The following IGF2R variants were observed in gnomAD, a reference collection of about 807,000 sequenced individuals.
IGF2R encodes insulin like growth factor 2 receptor, also known as cation-independent mannose-6-phosphate receptor.
A neutral mutation model predicts 270.6 loss-of-function variants in IGF2R; 91 were observed. The observed-to-expected ratio is 0.34, with a 90% CI of 0.28 to 0.40. The LOEUF is 0.40. Among genes scored for constraint, IGF2R ranks in the 10% least tolerant of loss-of-function variants. The probability of loss-of-function intolerance (pLI) is 1.00; values close to 1 mark genes in which losing one functional copy is unlikely to be tolerated. For missense variants in IGF2R, 2,805 were observed against 3,188.3 expected (o/e 0.88, Z 2.90); for synonymous variants, 1,316 against 1,258.9 (o/e 1.05, Z -0.96).
rs540733804 is a variant in IGF2R, at chr6:160,102,130, G to T, written c.6843-389G>T. On this transcript the variant is annotated intron_variant, in intron 45 of 47. Coordinates refer to ENST00000356956, the MANE Select transcript of IGF2R (RefSeq NM_000876.4). The surrounding 1 kb of genome is among the most constrained non-coding windows in gnomAD (Gnocchi z 4.5). ...CTGCTTCCAGAAGAAATTCTGAGAG[G>T]AAAGAGCTCTGACCCTGGAGAGAAG... is the stretch of plus-strand genomic sequence containing the variant. 2.6e-4 allele frequency among the ~76,000 whole-genome samples: 39 copies of T among 152,332 alleles called. No individual in the cohort carries two copies. Among genetic ancestry groups the T allele is most frequent in the African/African-American group, 8.4e-4 (35 of 41,572 alleles).
Position 160,061,546 on chromosome 6 carries a change from C to A in IGF2R, c.3306C>A (p.Val1102=). Residue 1102 remains valine (V), a synonymous_variant, in exon 24 of 48, where the codon GTC becomes GTA. Transcript: ENST00000356956. ...ACGACCTGACTGGCCTAAGCACAGT[C>A]AGGAAACCTTGGACGGCTGTTGACA... ...NEYDLTGLST[V]RKPWTAVDTS... 6.2e-7 allele frequency: 1 copy of A among 1,614,128 alleles called. No individual in the cohort carries two copies. Among genetic ancestry groups the A allele is most frequent in the South Asian group, 1.1e-5 (1 of 91,076 alleles).
chr6:159,975,805 T>G (rs1261291974), intron 1 of IGF2R, among the ~76,000 whole-genome samples: 2 of 147,898 alleles, frequency 1.4e-5, no homozygotes, highest in Admixed American at 6.8e-5. Flanking sequence ...TATAGTTATA[T>G]ATAATATATA....
chr6:159,978,582 G>A (rs1022528678), intron 1 of IGF2R, among the ~76,000 whole-genome samples: 3 of 152,098 alleles, frequency 2.0e-5, no homozygotes, highest in African/African-American at 7.2e-5. Flanking sequence ...TGTTGTAGGT[G>A]GGAACAGAAG....
intron 2 of IGF2R, chr6:160,005,440 C>T (rs1327025305): frequency 1.3e-5 from 2 of 152,086 alleles, no homozygotes; most frequent in Non-Finnish European, 2.9e-5. Flanking sequence ...CGCCCTTGGC[C>T]ACTGGGCTGC....
rs1784080926 is a variant in IGF2R, at chr6:159,998,199, G to A, written c.289+6876G>A. ...TGTAGGTGTTCAGAAAGAAGGAAAAGTAGCTTTCTTCTTGATTTTATTATA... is the reference window on the plus strand; with the variant it reads ...TGTAGGTGTTCAGAAAGAAGGAAAAATAGCTTTCTTCTTGATTTTATTATA... On this transcript the variant is annotated intron_variant, in intron 2 of 47. Transcript: ENST00000356956. This position sits in a 1 kb window ranked among gnomAD's most constrained non-coding sequence, Gnocchi z 4.1. 6.6e-6 allele frequency among the ~76,000 whole-genome samples: 1 copy of A among 152,232 alleles called. No individual in the cohort carries two copies. The highest frequency in any genetic ancestry group is 2.1e-4 in the South Asian group (1 of 4,828).
chr6:160,072,511 CTGCTGTGGTATGGCCCAGCAGAGGG>C (rs1419926348), intron 32 of IGF2R, among the ~76,000 whole-genome samples: 1 of 152,248 alleles, frequency 6.6e-6, no homozygotes, highest in Non-Finnish European at 1.5e-5. Context: ...CTCTTAGTGG[CTGCTGTGGTATGGCCCAGCAGAGGG>C]TGCTGTGAGC....
intron 10 of IGF2R, among the ~76,000 whole-genome samples, chr6:160,035,162 A>AC (rs1221995441): frequency 6.6e-5 from 10 of 151,752 alleles, no homozygotes; most frequent in African/African-American, 1.9e-4. Flanking sequence ...CCATCTGTTG[A>AC]CCCCCAGGCT....
intron 41 of IGF2R, among the ~76,000 whole-genome samples, chr6:160,087,720 A>G (rs1423877095): frequency 2.0e-5 from 3 of 152,104 alleles, no homozygotes; most frequent in Non-Finnish European, 2.9e-5. Flanking sequence ...CCCAGGCTGG[A>G]GTGCAATGGC....
At position 160,102,913 on chromosome 6, in the gene IGF2R, G is replaced by A. The variant is rs927487807; in HGVS notation, c.6995+242G>A. Among the ~76,000 whole-genome samples the A allele has an allele frequency of 3.3e-5, 5 of 152,162 alleles. No homozygotes were observed. Among genetic ancestry groups the A allele is most frequent in the South Asian group, 2.1e-4 (1 of 4,830 alleles). On this transcript the variant is annotated intron_variant, in intron 46 of 47. Coordinates refer to ENST00000356956, the MANE Select transcript of IGF2R (RefSeq NM_000876.4). The surrounding 1 kb of genome is among the most constrained non-coding windows in gnomAD (Gnocchi z 4.5). ...ACCCGTGCCTGCGGCTTCTAGGACC[G>A]TGGTCCTTTGTGTCCAAAGATGAGT...
At chr6:160,058,850 G>A (rs2274849) in intron 21 of IGF2R, 56 bp from the exon 22 acceptor site, 343,677 of 1,471,852 alleles carry the variant, frequency 0.23, 41,438 homozygotes, top group African/African-American at 0.32. Flanking sequence ...GTTCTTGTCT[G>A]TGGTGAGATA....
At chr6:160,056,095 T>TA (rs1172363508) in intron 19 of IGF2R, among the ~76,000 whole-genome samples, 1 of 152,212 alleles carries the variant, frequency 6.6e-6, no homozygotes, top group Non-Finnish European at 1.5e-5. Flanking sequence ...TGCCTTTGTG[T>TA]ATGGCTTCTT....
intron 19 of IGF2R, among the ~76,000 whole-genome samples, chr6:160,053,275 T>TG (rs779942166): frequency 2.1e-4 from 31 of 150,384 alleles, no homozygotes; most frequent in Non-Finnish European, 3.3e-4. Context: ...TGTTGGGGGC[T>TG]GGGGGGGAGG....
At chr6:159,995,599 G>C (rs949312741) in intron 2 of IGF2R, among the ~76,000 whole-genome samples, 1 of 152,016 alleles carries the variant, frequency 6.6e-6, no homozygotes, top group African/African-American at 2.4e-5. Flanking sequence ...TCTCTTTTCT[G>C]CTGGTCTAGT....
rs537010265 is a variant in IGF2R, at chr6:160,087,110, C to T, written c.6206-923C>T. Among the ~76,000 whole-genome samples, 17 of 152,278 alleles carry T rather than the reference C, an allele frequency of 1.1e-4. No individual in the cohort carries two copies. The East Asian group carries it at 1.5e-3, about 14-fold the overall frequency. On this transcript the variant is annotated intron_variant, in intron 41 of 47. Coordinates refer to ENST00000356956, the MANE Select transcript of IGF2R (RefSeq NM_000876.4). ...GTACTCACTTTTCTCTCAGACCCTG[C>T]GGGTTCGAGGGCTCAGGTTTTTCTT...
intron 31 of IGF2R, 49 bp downstream of exon 31, chr6:160,070,107 G>C (rs1457227319): frequency 1.3e-6 from 2 of 1,581,900 alleles, no homozygotes; most frequent in Non-Finnish European, 1.7e-6. Flanking sequence ...TGGGAATTGA[G>C]CCCATGTGCA....
chr6:160,061,428 T>C (rs1012215125), intron 23 of IGF2R, 75 bp from the exon 24 acceptor site: 161 of 1,391,106 alleles, frequency 1.2e-4, no homozygotes, highest in Admixed American at 6.2e-4. Context: ...TCAGGGCTTA[T>C]TTAGGGTGAA....
chr6:160,079,172 G>T (rs899146479), intron 37 of IGF2R, among the ~76,000 whole-genome samples: 2 of 152,216 alleles, frequency 1.3e-5, no homozygotes, highest in Non-Finnish European at 2.9e-5. Context: ...GGTGGGCCAG[G>T]AGAGTCAGGT....
At chr6:159,993,546 C>T (rs1562335607) in intron 2 of IGF2R, among the ~76,000 whole-genome samples, 1 of 152,070 alleles carries the variant, frequency 6.6e-6, no homozygotes, top group Admixed American at 6.5e-5. Context: ...GTGGCCCTGA[C>T]TCTGGGTTCT....
intron 10 of IGF2R, among the ~76,000 whole-genome samples, 190 bp downstream of exon 10, chr6:160,034,712 C>A (rs534016083): frequency 6.6e-6 from 1 of 152,304 alleles, no homozygotes; most frequent in African/African-American, 2.4e-5. Context: ...CCCACTGCCC[C>A]AGTGGACACA....
Sources: allele counts gnomAD v4.1 joint callset (sites outside exome capture counted in the v4.1 genomes callset), GRCh38; gene constraint gnomAD v4.1.1; non-coding constraint Gnocchi (gnomAD v3.1); transcripts MANE v1.5; gene names NCBI Gene and HGNC (gene_info 2026-07-23, HGNC 2026-07-21).